IGDCC4: variants seen among roughly 807,000 people sequenced by gnomAD.
The protein encoded by IGDCC4 is likely ortholog of mouse neighbor of Punc E11.
In IGDCC4, 72 loss-of-function variants were observed where a neutral mutation model predicts 116.6. That is an observed-to-expected ratio of 0.62 (90% CI 0.51 to 0.75). The LOEUF (loss-of-function observed/expected upper bound fraction) is 0.75. IGDCC4 is among the 30% of genes least tolerant of loss of function. IGDCC4 has a pLI of 0.00. For missense variants in IGDCC4, 1,501 were observed against 1,662.4 expected (o/e 0.90, Z 1.69); for synonymous variants, 709 against 719.9 (o/e 0.98, Z 0.24).
chr15:65,421,984 G>A (rs534199424), intron 1 of IGDCC4, among the ~76,000 whole-genome samples: 77 of 152,216 alleles, frequency 5.1e-4, no homozygotes, highest in Admixed American at 5.2e-4. Context: ...ACTGGATGAG[G>A]CCCTGCTGAC....
intron 5 of IGDCC4, among the ~76,000 whole-genome samples, chr15:65,398,618 T>C (rs1449542647): frequency 1.4e-5 from 2 of 144,494 alleles, no homozygotes; most frequent in South Asian, 4.6e-4. Context: ...GTGGCTCCTG[T>C]CTGTAATCCC....
Position 65,396,970 on chromosome 15 carries a change from T to C in IGDCC4, c.861A>G (p.Thr287=), listed in dbSNP as rs2062934509. Residue 287 remains threonine, a synonymous_variant, in exon 6 of 20, where the codon ACA becomes ACG. Coordinates refer to ENST00000352385, the MANE Select transcript of IGDCC4 (RefSeq NM_020962.3). ...TGGTGCGGCCCAGGACGATGACATC[T>C]GTGGAGATGGGCTTCCCGTCTGGGG... ...WVRQDGKPIS[T]DVIVLGRTNL... The C allele has an allele frequency of 1.3e-6, 2 of 1,581,260 alleles. No individual in the cohort carries two copies. The highest frequency in any genetic ancestry group is 1.7e-6 in the Non-Finnish European group (2 of 1,163,306).
At chr15:65,422,023 G>C (rs1044348671) in intron 1 of IGDCC4, among the ~76,000 whole-genome samples, 6 of 152,028 alleles carry the variant, frequency 3.9e-5, no homozygotes, top group Admixed American at 1.3e-4. Flanking sequence ...GTCGGTCCCT[G>C]GGGGGTGGGG....
chr15:65,406,509 G>C (rs2063042360), intron 3 of IGDCC4, among the ~76,000 whole-genome samples: 1 of 152,146 alleles, frequency 6.6e-6, no homozygotes, highest in Admixed American at 6.6e-5. Context: ...TTTACCATCA[G>C]TTCCAAACGA....
chr15:65,385,813 T>G lies in IGDCC4; in HGVS notation c.3180+18A>C. ...TGTCCTATTTAGAAAAGAGCCGCAA[T>G]GTGGGGCTCTGACTTACCTTTCTTT... On this transcript the variant is annotated intron_variant, in intron 18 of 19. Coordinates refer to ENST00000352385, the MANE Select transcript of IGDCC4 (RefSeq NM_020962.3). 1.9e-6 allele frequency: 3 copies of G among 1,584,308 alleles called. No homozygotes were observed. The highest frequency in any genetic ancestry group is 2.2e-5 in the South Asian group (2 of 90,496).
In IGDCC4 at chr15:65,388,523, C is replaced by A; in HGVS notation, c.2771G>T (p.Gly924Val). 6.2e-7 allele frequency: 1 copy of A among 1,614,164 alleles called. No individual in the cohort carries two copies. The highest frequency in any genetic ancestry group is 8.5e-7 in the Non-Finnish European group (1 of 1,180,032). Residue 924 changes from glycine (G) to valine (V), a missense_variant, in exon 16 of 20, where the codon GGG (glycine) becomes GTG (valine). Physicochemically the swap from Gly to Val is moderately radical, Grantham distance 109 (BLOSUM62 -3). Transcript: ENST00000352385. Reference protein sequence around the residue: ...ESDTRYFFKMGARTEVGPGPF... With the variant: ...ESDTRYFFKMVARTEVGPGPF... ...CCCAGGTCCCACCTCTGTGCGCGCC[C>A]CCATCTTGAAGAAGTACCGAGTGTC...
At chr15:65,416,294 T>C (rs961759975) in intron 1 of IGDCC4, among the ~76,000 whole-genome samples, 1 of 151,738 alleles carries the variant, frequency 6.6e-6, no homozygotes. Context: ...CCCGCCACCA[T>C]ACCCAGCTAA....
chr15:65,395,839 C>T lies in IGDCC4; in HGVS notation c.1322G>A (p.Ser441Asn). The change falls in exon 7 of 20, where the codon AGC becomes AAC. Residue 441 changes from serine to asparagine, a missense_variant. Coordinates refer to ENST00000352385, the MANE Select transcript of IGDCC4 (RefSeq NM_020962.3). Reference sequence around the variant, plus strand: ...CCAGGCCACCAACACAGCGGAGCTGCTCAGTGGCGTAGCAGTGACCCGCGT... The same window carrying T: ...CCAGGCCACCAACACAGCGGAGCTGTTCAGTGGCGTAGCAGTGACCCGCGT... ...APTRVTATPL[S>N]SSAVLVAWER... 6.4e-7 allele frequency: 1 copy of T among 1,566,376 alleles called. No individual in the cohort carries two copies. Among genetic ancestry groups the T allele is most frequent in the South Asian group, 1.2e-5 (1 of 86,296 alleles).
intron 6 of IGDCC4, among the ~76,000 whole-genome samples, chr15:65,396,633 G>T (rs1441030912): frequency 2.0e-5 from 3 of 151,812 alleles, no homozygotes; most frequent in African/African-American, 4.8e-5. Flanking sequence ...CTCCATCCCA[G>T]ACTCAACGCC....
chr15:65,391,278 C>G (rs1004656889), intron 12 of IGDCC4, among the ~76,000 whole-genome samples: 1 of 152,118 alleles, frequency 6.6e-6, no homozygotes, highest in Non-Finnish European at 1.5e-5. Context: ...TTGATTACTC[C>G]CTCTGCTAAA....
chr15:65,391,725 A>G (rs1044670371), intron 12 of IGDCC4, among the ~76,000 whole-genome samples, 155 bp downstream of exon 12: 3 of 152,298 alleles, frequency 2.0e-5, no homozygotes, highest in Admixed American at 6.5e-5. Context: ...CTCTGGAGCT[A>G]AAAGAGGACC....
intron 3 of IGDCC4, among the ~76,000 whole-genome samples, chr15:65,409,000 A>G (rs1425407617): frequency 6.6e-6 from 1 of 151,912 alleles, no homozygotes; most frequent in Non-Finnish European, 1.5e-5. Context: ...CACTGGGCTA[A>G]TTTTTGTATT....
rs755383213 is a variant in IGDCC4, at chr15:65,385,871, C to G, written c.3140G>C (p.Gly1047Ala). Residue 1047 changes from glycine (G) to alanine (A), a missense_variant, in exon 18 of 20, where the codon GGT (glycine) becomes GCT (alanine). This residue lies in a region of IGDCC4 where 368 missense variants were observed against 355.6 expected (regional missense o/e 1.03). Transcript: ENST00000352385. Reference sequence around the variant, plus strand: ...ACTCCGGCCTTCAGAAACACCGCCACCCATAAGGCTGTGCACTTCAGCCCT... The same window carrying G: ...ACTCCGGCCTTCAGAAACACCGCCAGCCATAAGGCTGTGCACTTCAGCCCT... The part of the protein sequence containing the change: ...EDRAEVHSLM[G>A]GGVSEGRSHS... 12 of 1,612,912 alleles carry G rather than the reference C, an allele frequency of 7.4e-6. 1 individual carries two copies. In the Admixed American group the frequency reaches 1.2e-4, roughly 16 times the overall value.
At chr15:65,391,572 C>G (rs1213192353) in intron 12 of IGDCC4, among the ~76,000 whole-genome samples, 1 of 152,164 alleles carries the variant, frequency 6.6e-6, no homozygotes, top group African/African-American at 2.4e-5. Flanking sequence ...GTTTTACAGT[C>G]AAACTTGGGG....
chr15:65,404,264 A>G (rs1595788386), intron 3 of IGDCC4, among the ~76,000 whole-genome samples: 1 of 152,064 alleles, frequency 6.6e-6, no homozygotes, highest in African/African-American at 2.4e-5. Context: ...AGGCAAACCC[A>G]CCTCTGCCCC....
rs370404254 is a variant in IGDCC4, at chr15:65,393,329, C to T, written c.1885+32G>A. 371 of 1,579,524 alleles carry T rather than the reference C, an allele frequency of 2.3e-4. 1 individual carries two copies. The highest frequency in any genetic ancestry group is 3.1e-4 in the Non-Finnish European group (362 of 1,160,096). On this transcript the variant is annotated intron_variant, in intron 10 of 19. Transcript: ENST00000352385. The surrounding 1 kb of genome is among the most constrained non-coding windows in gnomAD (Gnocchi z 4.6). ...ACACGCACACCCACACAGTCACACA[C>T]ACACTGTCCTGTCTCTCCTCTAACC...
At chr15:65,388,213 T>C (rs1321653073) in intron 16 of IGDCC4, among the ~76,000 whole-genome samples, 5 of 148,322 alleles carry the variant, frequency 3.4e-5, no homozygotes, top group Non-Finnish European at 5.9e-5. Flanking sequence ...CATTGCACTC[T>C]AGCCTGGGCA....
chr15:65,399,687 C>A (rs139259799), intron 5 of IGDCC4, among the ~76,000 whole-genome samples: 128 of 152,118 alleles, frequency 8.4e-4, no homozygotes, highest in African/African-American at 3.1e-3. Context: ...CAGATAGGTG[C>A]GAAAATGCCA....
At position 65,411,208 on chromosome 15, in the gene IGDCC4, G is replaced by T. The variant is rs201090788; in HGVS notation, c.233C>A (p.Thr78Asn). The T allele has an allele frequency of 2.4e-4, 390 of 1,614,204 alleles. 3 individuals are homozygous for T. The East Asian group carries it at 3.9e-3, about 16-fold the overall frequency. The change falls in exon 2 of 20, where the codon ACC (threonine) becomes AAC (asparagine). Residue 78 changes from threonine to asparagine, a missense_variant. Around this residue, in one of 3 missense-constraint regions of IGDCC4, gnomAD observed 898 missense variants for 978.9 expected, o/e 0.92. Coordinates refer to ENST00000352385, the MANE Select transcript of IGDCC4 (RefSeq NM_020962.3). ...GTGTAAGTGGTCGTGCTCCAGCAGG[G>T]TGTCCCCATCCTTGCTCCAGGTCAC... ...TRVTWSKDGD[T>N]LLEHDHLHLL... is the part of the protein sequence containing the mutation.
Sources: allele counts gnomAD v4.1 joint callset (sites outside exome capture counted in the v4.1 genomes callset), GRCh38; gene constraint gnomAD v4.1.1; regional missense constraint gnomAD v4.1.1; non-coding constraint Gnocchi (gnomAD v3.1); transcripts MANE v1.5; gene names NCBI Gene and HGNC (gene_info 2026-07-23, HGNC 2026-07-21).